The following PRDM16 variants were observed in gnomAD, a reference collection of about 807,000 sequenced individuals.
PRDM16 encodes the protein histone-lysine N-methyltransferase PRDM16.
In PRDM16, 23 loss-of-function variants were observed where a neutral mutation model predicts 110.6. That is an observed-to-expected ratio of 0.21 (90% confidence interval 0.15 to 0.29). The LOEUF is 0.29. Ranked by LOEUF, PRDM16 falls within the 10% of genes least tolerant of loss-of-function variation. The probability of loss-of-function intolerance (pLI) is 1.00; values close to 1 mark genes in which losing one functional copy is unlikely to be tolerated. For synonymous variants in PRDM16, 799 were observed against 781.8 expected (o/e 1.02, Z -0.37); for missense variants, 1,615 against 1,794.3 (o/e 0.90, Z 1.81).
At position 3,257,709 on chromosome 1, in the gene PRDM16, G is replaced by A. The variant is rs115036795; in HGVS notation, c.438+13572G>A. On this transcript the variant is annotated intron_variant, in intron 3 of 16. Coordinates refer to ENST00000270722, the MANE Select transcript of PRDM16 (RefSeq NM_022114.4). ...ACTCACTCATTCATTCAACAAATAC[G>A]CCTGCCTTGGGGTCTTGCAGGCTGG... Among the ~76,000 whole-genome samples the A allele has an allele frequency of 9.3e-3, 1,414 of 152,108 alleles. 19 individuals are homozygous for A. The highest frequency in any genetic ancestry group is 0.032 in the African/African-American group (1,330 of 41,484).
At chr1:3,162,525 C>G (rs1462513276) in intron 1 of PRDM16, among the ~76,000 whole-genome samples, 1 of 152,058 alleles carries the variant, frequency 6.6e-6, no homozygotes, top group Non-Finnish European at 1.5e-5. Context: ...CGCAGGCCCA[C>G]GAAGGTCGTC....
chr1:3,123,979 C>A (rs947080577), intron 1 of PRDM16, among the ~76,000 whole-genome samples: 1 of 152,208 alleles, frequency 6.6e-6, no homozygotes, highest in Non-Finnish European at 1.5e-5. Context: ...CACCCCACGC[C>A]GTATGGTGGG....
intron 3 of PRDM16, among the ~76,000 whole-genome samples, chr1:3,289,709 G>A (rs1640929972): frequency 6.6e-6 from 1 of 152,170 alleles, no homozygotes; most frequent in Non-Finnish European, 1.5e-5. Flanking sequence ...AAAGGCCCTG[G>A]GGCAGGACAG....
rs568226481 is a variant in PRDM16, at chr1:3,323,234, G to C, written c.439-61918G>C. Among the ~76,000 whole-genome samples the C allele has an allele frequency of 3.8e-3, 577 of 152,298 alleles. 3 individuals carry two copies. The highest frequency in any genetic ancestry group is 0.013 in the African/African-American group (539 of 41,554). ...ACCCTCAGGTCTCACCGGTACAGGT[G>C]GGGGCAGCCACGAGGTGGGGCAGGA... On this transcript the variant is annotated intron_variant, in intron 3 of 16. Transcript: ENST00000270722.
intron 3 of PRDM16, among the ~76,000 whole-genome samples, chr1:3,280,928 A>G (rs758782797): frequency 3.9e-5 from 6 of 152,130 alleles, no homozygotes; most frequent in Admixed American, 1.3e-4. Flanking sequence ...ATCTCCATCC[A>G]TGGGTTTTGT....
intron 1 of PRDM16, among the ~76,000 whole-genome samples, chr1:3,082,943 T>G (rs1161320158): frequency 1.3e-5 from 2 of 152,168 alleles, no homozygotes; most frequent in African/African-American, 4.8e-5. Flanking sequence ...CTCCTGACAC[T>G]TCTGGGACAG....
chr1:3,285,930 A>G (rs188963484), intron 3 of PRDM16, among the ~76,000 whole-genome samples: 7 of 152,396 alleles, frequency 4.6e-5, no homozygotes, highest in Admixed American at 2.0e-4. Flanking sequence ...GAGAAAACCC[A>G]GAAAGCCCCT....
intron 1 of PRDM16, among the ~76,000 whole-genome samples, chr1:3,169,719 C>G (rs1644003393): frequency 1.3e-5 from 2 of 152,380 alleles, no homozygotes; most frequent in Admixed American, 6.5e-5. Context: ...TCCACCGTCT[C>G]TGGCTCCTGT....
intron 14 of PRDM16, among the ~76,000 whole-genome samples, chr1:3,429,730 C>T (rs1267108183): frequency 6.6e-6 from 1 of 152,242 alleles, no homozygotes; most frequent in Non-Finnish European, 1.5e-5. Context: ...TCCTCAAGCC[C>T]TGAAACCTGG....
intron 5 of PRDM16, among the ~76,000 whole-genome samples, chr1:3,398,318 TG>T (rs1210777703): frequency 1.3e-5 from 2 of 152,222 alleles, no homozygotes; most frequent in Non-Finnish European, 2.9e-5. Context: ...CAAACATTTG[TG>T]GGCTAATTGC....
chr1:3,346,356 C>G (rs539457836), intron 3 of PRDM16, among the ~76,000 whole-genome samples: 10 of 152,194 alleles, frequency 6.6e-5, no homozygotes, highest in Non-Finnish European at 1.3e-4. Flanking sequence ...TGATGGAGCT[C>G]CATGGTCAAG....
At chr1:3,295,675 G>A (rs1479800818) in intron 3 of PRDM16, among the ~76,000 whole-genome samples, 1 of 152,326 alleles carries the variant, frequency 6.6e-6, no homozygotes, top group Non-Finnish European at 1.5e-5. Flanking sequence ...CACCACGCTC[G>A]CCCACAGTGG....
intron 1 of PRDM16, among the ~76,000 whole-genome samples, chr1:3,116,831 T>C (rs1642972832): frequency 6.6e-6 from 1 of 152,176 alleles, no homozygotes; most frequent in South Asian, 2.1e-4. Flanking sequence ...TGGAGCTCCG[T>C]GTGCCCCCAC....
At chr1:3,072,526 T>C (rs1641790199) in intron 1 of PRDM16, among the ~76,000 whole-genome samples, 1 of 152,194 alleles carries the variant, frequency 6.6e-6, no homozygotes, top group Non-Finnish European at 1.5e-5. Flanking sequence ...TTGCTCGTGT[T>C]TGAGGGTGAT....
chr1:3,282,077 G>T (rs1490364266), intron 3 of PRDM16, among the ~76,000 whole-genome samples: 2 of 152,228 alleles, frequency 1.3e-5, no homozygotes, highest in Admixed American at 6.5e-5. Context: ...CAGCCTCTAG[G>T]TATGGGACGC....
At chr1:3,280,443 T>G (rs1412750195) in intron 3 of PRDM16, among the ~76,000 whole-genome samples, 1 of 151,724 alleles carries the variant, frequency 6.6e-6, no homozygotes, top group Non-Finnish European at 1.5e-5. Flanking sequence ...TCTGCCTGAG[T>G]CCCCCCACCC....
chr1:3,180,101 C>T (rs576466240), intron 1 of PRDM16, among the ~76,000 whole-genome samples: 2 of 152,212 alleles, frequency 1.3e-5, no homozygotes, highest in Admixed American at 6.5e-5. Context: ...AGGATTCCCT[C>T]GTGTTTCTCA....
Position 3,370,662 on chromosome 1 carries a change from C to A in PRDM16, c.439-14490C>A, listed in dbSNP as rs1642889614. Among the ~76,000 whole-genome samples the A allele has an allele frequency of 6.6e-6, 1 of 152,182 alleles. No homozygotes were observed. The highest frequency in any genetic ancestry group is 2.4e-5 in the African/African-American group (1 of 41,446). ...CCCTGATGTGAGGGACCAGGGCAGG[C>A]TTCCCAGGAGAGGTGTCCTGTGCTC... On this transcript the variant is annotated intron_variant, in intron 3 of 16. Transcript: ENST00000270722. The surrounding 1 kb of genome is among the most constrained non-coding windows in gnomAD (Gnocchi z 4.8).
At chr1:3,356,400 G>C (rs186530910) in intron 3 of PRDM16, among the ~76,000 whole-genome samples, 1 of 152,196 alleles carries the variant, frequency 6.6e-6, no homozygotes, top group Admixed American at 6.5e-5. Context: ...GAGGTCCGAC[G>C]CCGTGTCCAC....
Sources: allele counts gnomAD v4.1 joint callset (sites outside exome capture counted in the v4.1 genomes callset), GRCh38; gene constraint gnomAD v4.1.1; non-coding constraint Gnocchi (gnomAD v3.1); transcripts MANE v1.5; gene names NCBI Gene and HGNC (gene_info 2026-07-23, HGNC 2026-07-21).